CTNNBIP1: variants seen among roughly 807,000 people sequenced by gnomAD.
CTNNBIP1 encodes catenin beta interacting protein 1.
A neutral mutation model predicts 11.8 loss-of-function variants in CTNNBIP1; 7 were observed. The observed-to-expected ratio is 0.60, with a 90% CI of 0.34 to 1.12. CTNNBIP1 has a LOEUF of 1.12. CTNNBIP1 is among the 50% of genes most tolerant of loss of function. The pLI is 0.03. For synonymous variants in CTNNBIP1, 58 were observed against 43.9 expected (o/e 1.32, Z -1.26); for missense variants, 101 against 113.4 (o/e 0.89, Z 0.50).
chr1:9,878,538 G>A (rs189708161), intron 2 of CTNNBIP1, among the ~76,000 whole-genome samples: 3 of 152,320 alleles, frequency 2.0e-5, no homozygotes, highest in East Asian at 1.9e-4. Context: ...AAGCACAGTC[G>A]CAGCTTGTTC....
rs899047745 is a variant in CTNNBIP1 at position 9,871,136 on chromosome 1, G to A, written c.187+51C>T. 6.7e-6 allele frequency: 9 copies of A among 1,352,144 alleles called. No individual in the cohort carries two copies. In the East Asian group the frequency reaches 7.5e-5, roughly 11 times the overall value. The allele number at this position is 1,352,144 out of a possible 1,614,324, so 83.8% of individuals were successfully genotyped here. A position where few individuals can be genotyped will look rare whatever the true frequency, so the allele number is the denominator to read the frequency against. On this transcript the variant is annotated intron_variant, in intron 5 of 5. Transcript: ENST00000377263. The surrounding 1 kb of genome is among the most constrained non-coding windows in gnomAD (Gnocchi z 5.2). ...ACGCTTTCTAAGGGAACCACAAGTC[G>A]GTGCCCCTGGGACTTGTGCCACTGC...
intron 1 of CTNNBIP1, among the ~76,000 whole-genome samples, chr1:9,887,167 T>TA (rs1639205100): frequency 6.6e-6 from 1 of 152,192 alleles, no homozygotes; most frequent in African/African-American, 2.4e-5. Flanking sequence ...GAAGAATAAT[T>TA]ACTGTTGTCA....
intron 1 of CTNNBIP1, among the ~76,000 whole-genome samples, chr1:9,888,934 T>C (rs1639242104): frequency 2.0e-5 from 3 of 152,212 alleles, no homozygotes; most frequent in African/African-American, 2.4e-5. Flanking sequence ...AGCCCCGCAA[T>C]GGCCAGAATG....
At chr1:9,886,851 C>T (rs576335343) in intron 1 of CTNNBIP1, among the ~76,000 whole-genome samples, 36 of 152,314 alleles carry the variant, frequency 2.4e-4, no homozygotes, top group Admixed American at 5.9e-4. Context: ...AATTTCCACA[C>T]GCTCCACTCT....
intron 5 of CTNNBIP1, among the ~76,000 whole-genome samples, chr1:9,856,222 G>A (rs2101436596): frequency 6.6e-6 from 1 of 151,994 alleles, no homozygotes; most frequent in South Asian, 2.1e-4. Context: ...TGTTGCCCAG[G>A]CTGGTCTTGA....
At chr1:9,875,197 G>A (rs1177006557) in intron 3 of CTNNBIP1, among the ~76,000 whole-genome samples, 2 of 152,126 alleles carry the variant, frequency 1.3e-5, no homozygotes, top group African/African-American at 4.8e-5. Flanking sequence ...TATTCCAATC[G>A]TACTATCACA....
intron 1 of CTNNBIP1, among the ~76,000 whole-genome samples, chr1:9,884,211 C>T (rs1639138633): frequency 6.6e-6 from 1 of 152,084 alleles, no homozygotes; most frequent in Non-Finnish European, 1.5e-5. Flanking sequence ...GCTCAGTTAA[C>T]TGGATGCCCT....
intron 5 of CTNNBIP1, among the ~76,000 whole-genome samples, chr1:9,855,636 G>T (rs559619086): frequency 1.3e-5 from 2 of 151,374 alleles, no homozygotes; most frequent in South Asian, 4.2e-4. Flanking sequence ...ACCTGAAATG[G>T]ATAAATGACC....
In CTNNBIP1 at chr1:9,851,480, C is replaced by T. The variant is rs936897766; in HGVS notation, c.188-704G>A. On this transcript the variant is annotated intron_variant, in intron 5 of 5. Transcript: ENST00000377263. This position sits in a 1 kb window ranked among gnomAD's most constrained non-coding sequence, Gnocchi z 4.8. ...CTGCCTCCCGGGTTCAAGCGATCCTCCTGCCTCAGCCTCCTGAGTAGCTGG... is the reference window on the plus strand; with the variant it reads ...CTGCCTCCCGGGTTCAAGCGATCCTTCTGCCTCAGCCTCCTGAGTAGCTGG... Among the ~76,000 whole-genome samples the T allele has an allele frequency of 1.3e-5, 2 of 152,144 alleles. No individual in the cohort carries two copies. Among genetic ancestry groups the T allele is most frequent in the African/African-American group, 4.8e-5 (2 of 41,418 alleles).
chr1:9,871,312 T>A lies in CTNNBIP1; in HGVS notation c.97-35A>T. 1.3e-6 allele frequency: 2 copies of A among 1,493,436 alleles called. No individual in the cohort carries two copies. The highest frequency in any genetic ancestry group is 2.4e-5 in the South Asian group (2 of 83,136). 92.5% of individuals were successfully genotyped at this position (1,493,436 alleles called of 1,614,324 possible). Reference sequence around the variant, plus strand: ...GAGAGAGCTGTGGTGAGGGGCAGCATGCACCTGTTCCCTGAAAGGCACCTG... The same window carrying A: ...GAGAGAGCTGTGGTGAGGGGCAGCAAGCACCTGTTCCCTGAAAGGCACCTG... On this transcript the variant is annotated intron_variant, in intron 4 of 5. Transcript: ENST00000377263. This position sits in a 1 kb window ranked among gnomAD's most constrained non-coding sequence, Gnocchi z 5.2.
chr1:9,848,886 T>G lies in CTNNBIP1; in HGVS notation c.*1832A>C, dbSNP rs978154935. 6.6e-6 allele frequency: 1 copy of G among 152,300 alleles called. No homozygotes were observed. The highest frequency in any genetic ancestry group is 1.5e-5 in the Non-Finnish European group (1 of 68,138). The allele number at this position is 152,300 out of a possible 1,614,324, so 9.4% of individuals were successfully genotyped here. ...GTGCCAGAGCACAGCACGAACCACC[T>G]ACCCACCATGGGGCTCTCCAGGGCT... On this transcript the variant is annotated 3_prime_UTR_variant, in exon 6 of 6. Coordinates refer to ENST00000377263, the MANE Select transcript of CTNNBIP1 (RefSeq NM_020248.3). This position sits in a 1 kb window ranked among gnomAD's most constrained non-coding sequence, Gnocchi z 4.3.
intron 1 of CTNNBIP1, among the ~76,000 whole-genome samples, chr1:9,892,845 G>A (rs899858294): frequency 4.6e-5 from 7 of 152,030 alleles, no homozygotes; most frequent in African/African-American, 1.7e-4. Context: ...CAGCTACCTC[G>A]GAACAAAACA....
intron 5 of CTNNBIP1, among the ~76,000 whole-genome samples, chr1:9,870,342 T>C (rs533051837): frequency 3.9e-5 from 6 of 152,202 alleles, no homozygotes; most frequent in Non-Finnish European, 8.8e-5. Context: ...TAGGCCTCTG[T>C]GTCATGAGAA....
At chr1:9,905,302 CT>C (rs1639595334) in intron 1 of CTNNBIP1, among the ~76,000 whole-genome samples, 1 of 152,196 alleles carries the variant, frequency 6.6e-6, no homozygotes. Context: ...AGCTGTCCCC[CT>C]AGATCACCAT....
intron 1 of CTNNBIP1, among the ~76,000 whole-genome samples, chr1:9,909,321 T>C (rs1490599311): frequency 1.3e-5 from 2 of 152,166 alleles, no homozygotes. Flanking sequence ...GCCACACGTC[T>C]CATTATTCAT....
intron 5 of CTNNBIP1, among the ~76,000 whole-genome samples, chr1:9,857,490 C>CAAA (rs561732405): frequency 2.7e-5 from 2 of 75,036 alleles, no homozygotes; most frequent in Admixed American, 1.6e-4. Context: ...GACCCTGTCT[C>CAAA]AAAAAAAAAA....
chr1:9,894,113 G>C (rs576681072), intron 1 of CTNNBIP1, among the ~76,000 whole-genome samples: 3 of 152,048 alleles, frequency 2.0e-5, no homozygotes, highest in African/African-American at 7.2e-5. Flanking sequence ...AGAGCTAAAA[G>C]AACAGTACAA....
intron 5 of CTNNBIP1, among the ~76,000 whole-genome samples, chr1:9,866,620 C>T (rs1296353795): frequency 1.3e-5 from 2 of 150,454 alleles, no homozygotes; most frequent in African/African-American, 4.9e-5. Context: ...GTGGGGGCTG[C>T]AGTGAGCCGA....
chr1:9,887,945 C>T (rs979895849), intron 1 of CTNNBIP1, among the ~76,000 whole-genome samples: 3 of 151,770 alleles, frequency 2.0e-5, no homozygotes, highest in Non-Finnish European at 4.4e-5. Flanking sequence ...CTGCCTCAGC[C>T]TCCTAATAGC....
Sources: gnomAD v4.1 joint callset for allele counts (sites outside exome capture counted in the v4.1 genomes callset) on GRCh38, gnomAD v4.1.1 for gene constraint, Gnocchi (gnomAD v3.1) non-coding constraint, MANE v1.5 for transcripts, NCBI Gene and HGNC (gene_info 2026-07-23, HGNC 2026-07-21) for gene names.